The following LRRC4C variants were observed in gnomAD, a reference collection of about 807,000 sequenced individuals.
The protein encoded by LRRC4C is leucine rich repeat containing 4C.
A neutral mutation model predicts 33.6 loss-of-function variants in LRRC4C; 5 were observed. The observed-to-expected ratio is 0.15, with a 90% CI of 0.08 to 0.31. The LOEUF is 0.31. LRRC4C is among the 10% of genes least tolerant of loss of function. The pLI, the probability that LRRC4C is intolerant of heterozygous loss-of-function variation, is 1.00. For synonymous variants in LRRC4C, 329 were observed against 302.0 expected, an observed-to-expected ratio of 1.09 and a Z score of -0.93; for missense variants, 560 against 796.7, an observed-to-expected ratio of 0.70 and a Z score of 3.58.
At chr11:40,784,161 C>T (rs1196488479) in intron 2 of LRRC4C, among the ~76,000 whole-genome samples, 1 of 152,062 alleles carries the variant, frequency 6.6e-6, no homozygotes. Flanking sequence ...GTTTCTACTT[C>T]ACTCCTTCAA....
rs560299327 is a variant in LRRC4C at position 41,408,929 on chromosome 11, T to C, written c.-496+50502A>G. Among the ~76,000 whole-genome samples the C allele has an allele frequency of 9.9e-5, 15 of 152,258 alleles. No homozygotes were observed. The East Asian group carries it at 1.4e-3, about 14-fold the overall frequency. Reference sequence around the variant, plus strand: ...TGGCTGCCTTATGATCACAGGCGACTTCATTATAACTAAAGGCAACGCAGC... The same window carrying C: ...TGGCTGCCTTATGATCACAGGCGACCTCATTATAACTAAAGGCAACGCAGC... On this transcript the variant is annotated intron_variant, in intron 1 of 6. Coordinates refer to ENST00000528697, the MANE Select transcript of LRRC4C (RefSeq NM_001258419.2).
intron 3 of LRRC4C, among the ~76,000 whole-genome samples, chr11:40,491,260 G>A (rs180992062): frequency 2.8e-4 from 42 of 152,214 alleles, no homozygotes; most frequent in Middle Eastern, 6.8e-3. Context: ...ACTCCAGCCT[G>A]GGCAATAAAG....
At chr11:40,953,076 CA>C (rs1408854228) in intron 1 of LRRC4C, among the ~76,000 whole-genome samples, 1 of 151,802 alleles carries the variant, frequency 6.6e-6, no homozygotes, top group Non-Finnish European at 1.5e-5. Flanking sequence ...CCTCAGAAAA[CA>C]AGTTTGCTCT....
intron 3 of LRRC4C, among the ~76,000 whole-genome samples, chr11:40,355,963 A>AGTATAGTATAGTATAGTATT (rs1947645562): frequency 1.7e-5 from 1 of 60,112 alleles, no homozygotes; most frequent in Non-Finnish European, 4.5e-5. Flanking sequence ...TGTATAGTAT[A>AGTATAGTATAGTATAGTATT]GTATAGTATA....
chr11:41,289,758 G>A (rs1021606197), intron 1 of LRRC4C, among the ~76,000 whole-genome samples: 27 of 152,028 alleles, frequency 1.8e-4, no homozygotes, highest in African/African-American at 6.0e-4. Flanking sequence ...ATGTTGTTTT[G>A]GCAGCCCTAG....
chr11:40,668,311 T>C (rs1943921188), intron 2 of LRRC4C, among the ~76,000 whole-genome samples: 1 of 152,228 alleles, frequency 6.6e-6, no homozygotes, highest in Non-Finnish European at 1.5e-5. Flanking sequence ...AAGAGTTATG[T>C]TTGATAACTG....
chr11:40,803,900 A>T (rs1951144321), intron 2 of LRRC4C, among the ~76,000 whole-genome samples: 1 of 152,240 alleles, frequency 6.6e-6, no homozygotes, highest in African/African-American at 2.4e-5. Context: ...TCAAGCATTT[A>T]TCCTTTGTGT....
chr11:41,189,231 T>C (rs1374050196), intron 1 of LRRC4C, among the ~76,000 whole-genome samples: 9 of 152,148 alleles, frequency 5.9e-5, no homozygotes, highest in Non-Finnish European at 1.5e-5. Context: ...AAAATAATCA[T>C]TGAACATGGT....
intron 2 of LRRC4C, among the ~76,000 whole-genome samples, chr11:40,873,285 G>A (rs977559221): frequency 1.3e-5 from 2 of 152,170 alleles, no homozygotes; most frequent in Admixed American, 1.3e-4. Flanking sequence ...ACCTGCTGCT[G>A]CAGTGCCTCA....
At chr11:40,869,915 C>T (rs1188507411) in intron 2 of LRRC4C, among the ~76,000 whole-genome samples, 2 of 152,176 alleles carry the variant, frequency 1.3e-5, no homozygotes, top group Non-Finnish European at 2.9e-5. Context: ...GTCTCCCCTT[C>T]TGCCTTAGGC....
At chr11:40,348,102 A>G (rs1364671224) in intron 3 of LRRC4C, among the ~76,000 whole-genome samples, 1 of 152,204 alleles carries the variant, frequency 6.6e-6, no homozygotes, top group Non-Finnish European at 1.5e-5. Flanking sequence ...AACAATTACA[A>G]TAGTAACATC....
chr11:40,438,362 C>G (rs1021270861), intron 3 of LRRC4C, among the ~76,000 whole-genome samples: 1 of 152,110 alleles, frequency 6.6e-6, no homozygotes, highest in Non-Finnish European at 1.5e-5. Context: ...AAAACAATAA[C>G]AAAAAACTAT....
chr11:41,354,544 CAG>C (rs1161001155), intron 1 of LRRC4C, among the ~76,000 whole-genome samples: 8 of 151,854 alleles, frequency 5.3e-5, no homozygotes, highest in East Asian at 1.9e-4. Context: ...CATATTAAAT[CAG>C]GGGAAAAAAA....
chr11:40,366,660 T>C (rs970583631), intron 3 of LRRC4C, among the ~76,000 whole-genome samples: 1 of 152,066 alleles, frequency 6.6e-6, no homozygotes, highest in African/African-American at 2.4e-5. Context: ...ATGCTGTATA[T>C]ACAAACACAT....
chr11:40,128,099 CTGTT>C (rs1366540627), intron 6 of LRRC4C, among the ~76,000 whole-genome samples: 6 of 152,142 alleles, frequency 3.9e-5, no homozygotes, highest in African/African-American at 1.2e-4. Context: ...GTATTCCTGA[CTGTT>C]TGATCTTTGG....
rs180879693 is a variant in LRRC4C, at chr11:40,932,364, T to C, written c.-407+1271A>G. ...GAATTTACCATGCATTGGACAAGAA[T>C]ATTGAGAGTTGTTTCAAGAAGTTTG... On this transcript the variant is annotated intron_variant, in intron 2 of 6. Transcript: ENST00000528697. Among the ~76,000 whole-genome samples the C allele has an allele frequency of 2.4e-4, 36 of 152,266 alleles. No individual in the cohort carries two copies. In the East Asian group the frequency reaches 6.8e-3, roughly 29 times the overall value.
chr11:40,636,834 A>T (rs1388859924), intron 3 of LRRC4C, among the ~76,000 whole-genome samples: 3 of 152,140 alleles, frequency 2.0e-5, no homozygotes, highest in African/African-American at 7.2e-5. Flanking sequence ...TGCTTAGGAA[A>T]TGTTCACTCA....
chr11:40,363,407 G>A (rs1047156162), intron 3 of LRRC4C, among the ~76,000 whole-genome samples: 9 of 152,130 alleles, frequency 5.9e-5, no homozygotes, highest in Admixed American at 5.9e-4. Context: ...GGGCCTATTG[G>A]AGGGTGAAGG....
At chr11:41,030,015 G>T (rs1012317282) in intron 1 of LRRC4C, among the ~76,000 whole-genome samples, 1 of 151,720 alleles carries the variant, frequency 6.6e-6, no homozygotes, top group African/African-American at 2.4e-5. Context: ...GATACTGCAG[G>T]GTGAACAAAC....
Sources: allele counts gnomAD v4.1 joint callset (sites outside exome capture counted in the v4.1 genomes callset), GRCh38; gene constraint gnomAD v4.1.1; transcripts MANE v1.5; gene names NCBI Gene and HGNC (gene_info 2026-07-23, HGNC 2026-07-21).